The following ZFHX3 variants were observed in gnomAD, a reference collection of about 807,000 sequenced individuals.
ZFHX3 encodes the protein zinc finger homeobox protein 3.
A neutral mutation model predicts 279.1 loss-of-function variants in ZFHX3; 42 were observed. That is an observed-to-expected ratio of 0.15 (90% confidence interval 0.12 to 0.19). The LOEUF is 0.19. ZFHX3 is among the 10% of genes least tolerant of loss of function. The probability of loss-of-function intolerance (pLI) is 1.00; values close to 1 mark genes in which losing one functional copy is unlikely to be tolerated. For missense variants in ZFHX3, 4,981 were observed against 4,754.0 expected, an observed-to-expected ratio of 1.05 and a Z score of -1.40; for synonymous variants, 2,293 against 1,957.8, an observed-to-expected ratio of 1.17 and a Z score of -4.52.
intron 1 of ZFHX3, among the ~76,000 whole-genome samples, chr16:73,854,660 A>G (rs1461686279): frequency 1.3e-5 from 2 of 151,698 alleles, no homozygotes; most frequent in Non-Finnish European, 2.9e-5. Flanking sequence ...TAGAAAAAAA[A>G]CACGGCAAAA....
chr16:73,812,452 A>T (rs529960189), intron 1 of ZFHX3, among the ~76,000 whole-genome samples: 1 of 152,156 alleles, frequency 6.6e-6, no homozygotes, highest in Non-Finnish European at 1.5e-5. Context: ...AAGTCTTGCA[A>T]ACTGACTGCA....
At chr16:72,874,397 G>A (rs1053463320) in intron 4 of ZFHX3, among the ~76,000 whole-genome samples, 5 of 151,798 alleles carry the variant, frequency 3.3e-5, no homozygotes, top group African/African-American at 7.3e-5. Context: ...TAGTGGAGAC[G>A]GGGTTTCACG....
At chr16:72,843,513 TAAAAAAAAAAAAAAAAA>T (rs59007764) in intron 4 of ZFHX3, among the ~76,000 whole-genome samples, 1 of 39,446 alleles carries the variant, frequency 2.5e-5, no homozygotes, top group Non-Finnish European at 5.3e-5. Flanking sequence ...AGACTCCGTC[TAAAAAAAAAAAAAAAAA>T]AAAAAAAAAG....
chr16:73,717,788 G>C (rs1450588408), intron 1 of ZFHX3, among the ~76,000 whole-genome samples: 1 of 152,184 alleles, frequency 6.6e-6, no homozygotes, highest in Non-Finnish European at 1.5e-5. Context: ...GCCATGAAAA[G>C]TGATAGCCGC....
At chr16:72,986,430 TGA>T (rs1962846210) in intron 1 of ZFHX3, among the ~76,000 whole-genome samples, 1 of 152,214 alleles carries the variant, frequency 6.6e-6, no homozygotes, top group South Asian at 2.1e-4. Context: ...TTGGTGGCCA[TGA>T]AGCTAACTGA....
At chr16:73,611,056 G>C (rs1252110594) in intron 2 of ZFHX3, among the ~76,000 whole-genome samples, 1 of 152,166 alleles carries the variant, frequency 6.6e-6, no homozygotes, top group East Asian at 1.9e-4. Flanking sequence ...CCCTGTGATA[G>C]GTCTCATAAA....
At chr16:72,969,417 T>G (rs1278970577) in intron 1 of ZFHX3, among the ~76,000 whole-genome samples, 1 of 152,086 alleles carries the variant, frequency 6.6e-6, no homozygotes, top group East Asian at 1.9e-4. Context: ...TGATCCTGAC[T>G]GTGGGCTGAT....
At chr16:72,852,680 T>G (rs904152027) in intron 4 of ZFHX3, among the ~76,000 whole-genome samples, 2 of 152,206 alleles carry the variant, frequency 1.3e-5, no homozygotes, top group African/African-American at 4.8e-5. Flanking sequence ...GTTCCTTTTA[T>G]AAAAAGTTTC....
intron 1 of ZFHX3, among the ~76,000 whole-genome samples, chr16:72,976,969 T>C (rs1032321971): frequency 2.0e-5 from 3 of 152,210 alleles, no homozygotes; most frequent in East Asian, 1.9e-4. Flanking sequence ...AGGGATATTT[T>C]AGGTTGACCA....
At chr16:73,727,331 C>G (rs1406939978) in intron 1 of ZFHX3, among the ~76,000 whole-genome samples, 1 of 152,200 alleles carries the variant, frequency 6.6e-6, no homozygotes, top group Non-Finnish European at 1.5e-5. Context: ...ATATTCTTCC[C>G]CTGCATGCAG....
chr16:73,296,423 C>A (rs984825966), intron 4 of ZFHX3, among the ~76,000 whole-genome samples: 1 of 152,082 alleles, frequency 6.6e-6, no homozygotes, highest in Non-Finnish European at 1.5e-5. Context: ...CATTTCCAGG[C>A]CTCACTCTGG....
intron 1 of ZFHX3, among the ~76,000 whole-genome samples, chr16:73,694,791 G>C (rs774440432): frequency 1.3e-5 from 2 of 152,176 alleles, no homozygotes; most frequent in African/African-American, 4.8e-5. Flanking sequence ...GCTCTTCACC[G>C]CATCTCTCTC....
intron 2 of ZFHX3, among the ~76,000 whole-genome samples, chr16:73,643,841 C>A (rs1245831735): frequency 6.6e-6 from 1 of 152,116 alleles, no homozygotes; most frequent in Non-Finnish European, 1.5e-5. Flanking sequence ...TTTTTCAGTT[C>A]TATCTCCCTC....
intron 1 of ZFHX3, among the ~76,000 whole-genome samples, chr16:73,053,745 T>TC (rs1965493128): frequency 6.6e-6 from 1 of 151,612 alleles, no homozygotes; most frequent in Non-Finnish European, 1.5e-5. Flanking sequence ...AGGAGCACAC[T>TC]CCCCCTTCCC....
intron 8 of ZFHX3, among the ~76,000 whole-genome samples, chr16:72,799,527 T>G (rs900303964): frequency 6.6e-6 from 1 of 152,228 alleles, no homozygotes; most frequent in African/African-American, 2.4e-5. Flanking sequence ...ACCATTCATC[T>G]AGCCAGGAAA....
chr16:73,387,515 T>C lies in ZFHX3; in HGVS notation c.-1291+68488A>G, dbSNP rs113202778. On this transcript the variant is annotated intron_variant, in intron 3 of 17. Coordinates refer to the ZFHX3 transcript ENST00000641206. ...TCTGTGGCAGGGTTTTTTTGTTTTT[T>C]TGTTTTTTGTTTTAAAGGTTATTTT... Among the ~76,000 whole-genome samples the C allele has an allele frequency of 1.6e-4, 24 of 152,252 alleles. 1 individual carries two copies. The highest frequency in any genetic ancestry group is 5.3e-4 in the African/African-American group (22 of 41,546).
rs535711204 is a variant in ZFHX3, at chr16:73,574,806, A to G, written c.-1547+105374T>C. The stretch of plus-strand genomic sequence containing the variant: ...CATTCTCCTGCTTCAACTAAATCAA[A>G]CCACCACCAACTGCCATGATTTCTT... On this transcript the variant is annotated intron_variant, in intron 2 of 17. Coordinates refer to the ZFHX3 transcript ENST00000641206. Among the ~76,000 whole-genome samples, 3 of 152,104 alleles carry G rather than the reference A, an allele frequency of 2.0e-5. No homozygotes were observed. In the South Asian group the frequency reaches 6.2e-4, roughly 32 times the overall value.
At chr16:73,830,121 A>C in intron 1 of ZFHX3, among the ~76,000 whole-genome samples, 2 of 130,246 alleles carry the variant, frequency 1.5e-5, no homozygotes, top group African/African-American at 5.9e-5. Flanking sequence ...GCCGTTTTTT[A>C]AGCCGGTCTG....
intron 1 of ZFHX3, among the ~76,000 whole-genome samples, chr16:72,962,846 G>T (rs1220446100): frequency 6.6e-6 from 1 of 151,970 alleles, no homozygotes; most frequent in African/African-American, 2.4e-5. Flanking sequence ...GATTCCCTGT[G>T]GTCCCTGGGA....
Sources: gnomAD v4.1 joint callset for allele counts (sites outside exome capture counted in the v4.1 genomes callset) on GRCh38, gnomAD v4.1.1 for gene constraint, MANE v1.5 for transcripts, NCBI Gene and HGNC (gene_info 2026-07-23, HGNC 2026-07-21) for gene names.